OPCML: variants seen among roughly 807,000 people sequenced by gnomAD.
OPCML encodes opioid binding protein/cell adhesion molecule like, also known as opioid-binding protein/cell adhesion molecule.
A neutral mutation model predicts 37.8 loss-of-function variants in OPCML; 13 were observed. The observed-to-expected ratio is 0.34, with a 90% CI of 0.22 to 0.55. The LOEUF (loss-of-function observed/expected upper bound fraction) is 0.55, where lower values mean the gene tolerates loss of function less well. OPCML is among the 20% of genes least tolerant of loss of function. The pLI, the probability that OPCML is intolerant of heterozygous loss-of-function variation, is 0.91. For synonymous variants in OPCML, 176 were observed against 168.8 expected, an observed-to-expected ratio of 1.04 and a Z score of -0.33; for missense variants, 341 against 435.6, an observed-to-expected ratio of 0.78 and a Z score of 1.93.
At chr11:133,243,342 A>G (rs542110632) in intron 1 of OPCML, among the ~76,000 whole-genome samples, 2 of 152,292 alleles carry the variant, frequency 1.3e-5, no homozygotes, top group South Asian at 4.1e-4. Context: ...CAGGTGAGTT[A>G]ACAGTGAGTG....
chr11:132,586,280 C>A (rs952482882), intron 3 of OPCML, among the ~76,000 whole-genome samples: 10 of 152,196 alleles, frequency 6.6e-5, no homozygotes, highest in Non-Finnish European at 1.3e-4. Flanking sequence ...TTCTCAATTT[C>A]TGAGACTTAA....
intron 3 of OPCML, among the ~76,000 whole-genome samples, chr11:132,537,148 T>G (rs1003734346): frequency 1.3e-5 from 2 of 152,212 alleles, no homozygotes; most frequent in African/African-American, 4.8e-5. Context: ...TCTTGAAGCC[T>G]AGCATTAAGT....
Position 132,675,251 on chromosome 11 carries a change from G to T in OPCML, c.147-17932C>A, listed in dbSNP as rs77529173. Among the ~76,000 whole-genome samples, 810 of 150,606 alleles carry T rather than the reference G, an allele frequency of 5.4e-3. 11 individuals carry two copies. Among genetic ancestry groups the T allele is most frequent in the African/African-American group, 0.019 (778 of 41,040 alleles). On this transcript the variant is annotated intron_variant, in intron 2 of 7. Transcript: ENST00000524381. ...TATATATGTATATATCTTTCATTGTGAATTTAAATAAAAACAAACTTATCT... is the reference window on the plus strand; with the variant it reads ...TATATATGTATATATCTTTCATTGTTAATTTAAATAAAAACAAACTTATCT...
intron 2 of OPCML, among the ~76,000 whole-genome samples, chr11:132,798,191 C>T (rs1346254313): frequency 6.6e-6 from 1 of 152,106 alleles, no homozygotes; most frequent in African/African-American, 2.4e-5. Context: ...CTGCCTCAGC[C>T]TCTCAAGTAG....
At chr11:132,972,324 CCT>C (rs1946363300) in intron 1 of OPCML, among the ~76,000 whole-genome samples, 1 of 152,200 alleles carries the variant, frequency 6.6e-6, no homozygotes, top group South Asian at 2.1e-4. Flanking sequence ...ACACTAAACA[CCT>C]CTCTGCTAAA....
chr11:132,994,216 T>A (rs951940313), intron 1 of OPCML, among the ~76,000 whole-genome samples: 2 of 152,152 alleles, frequency 1.3e-5, no homozygotes, highest in Admixed American at 1.3e-4. Context: ...CAGCGGCTGG[T>A]GCGCTCCTGC....
intron 1 of OPCML, among the ~76,000 whole-genome samples, chr11:133,254,745 C>T (rs967502899): frequency 4.6e-5 from 7 of 152,146 alleles, no homozygotes; most frequent in Admixed American, 4.6e-4. Flanking sequence ...TGTCTGGGAA[C>T]AGCTGGAGAG....
chr11:133,183,717 A>G (rs1349884688), intron 1 of OPCML, among the ~76,000 whole-genome samples: 4 of 152,326 alleles, frequency 2.6e-5, no homozygotes, highest in Non-Finnish European at 5.9e-5. Flanking sequence ...CTCAAAATGT[A>G]TTTGGAGATT....
In OPCML at chr11:132,506,511, C is replaced by T. The variant is rs373375824; in HGVS notation, c.505+22550G>A. Reference sequence around the variant, plus strand: ...CTGATAATTAAGCTAAATGAAAATGCCAATGTCTCAACATGTAAACGCGGA... The same window carrying T: ...CTGATAATTAAGCTAAATGAAAATGTCAATGTCTCAACATGTAAACGCGGA... On this transcript the variant is annotated intron_variant, in intron 4 of 7. Transcript: ENST00000524381. Among the ~76,000 whole-genome samples the T allele has an allele frequency of 2.3e-3, 347 of 152,172 alleles. 3 individuals are homozygous for T. The highest frequency in any genetic ancestry group is 7.9e-3 in the African/African-American group (328 of 41,544).
intron 1 of OPCML, among the ~76,000 whole-genome samples, chr11:133,427,370 G>C (rs554855366): frequency 1.7e-5 from 2 of 120,226 alleles, no homozygotes; most frequent in Non-Finnish European, 3.2e-5. Flanking sequence ...ATTAATATGG[G>C]ATCAAAGGCA....
At chr11:133,194,903 A>C (rs752217250) in intron 1 of OPCML, among the ~76,000 whole-genome samples, 3 of 152,164 alleles carry the variant, frequency 2.0e-5, no homozygotes, top group Non-Finnish European at 4.4e-5. Flanking sequence ...TCACTGCTTT[A>C]CATGCTGAGA....
chr11:132,841,089 G>A (rs1591684835), intron 2 of OPCML, among the ~76,000 whole-genome samples: 2 of 152,114 alleles, frequency 1.3e-5, no homozygotes, highest in Admixed American at 6.6e-5. Context: ...AGGGAGAAAC[G>A]TGCCTATAAA....
At chr11:132,842,633 C>G (rs1941344844) in intron 2 of OPCML, among the ~76,000 whole-genome samples, 1 of 152,126 alleles carries the variant, frequency 6.6e-6, no homozygotes, top group African/African-American at 2.4e-5. Context: ...TTTTTCTCCT[C>G]TAGGTACTAT....
At chr11:132,914,220 G>A (rs185776012) in intron 2 of OPCML, among the ~76,000 whole-genome samples, 162 of 152,316 alleles carry the variant, frequency 1.1e-3, no homozygotes, top group African/African-American at 3.5e-3. Flanking sequence ...GAACTGCCTT[G>A]TGGCCCTCTG....
chr11:132,611,852 G>A (rs1166243306), intron 3 of OPCML, among the ~76,000 whole-genome samples: 4 of 152,090 alleles, frequency 2.6e-5, no homozygotes, highest in Admixed American at 6.5e-5. Flanking sequence ...GGACTGAAGG[G>A]TTTCTCAGGA....
At chr11:132,751,558 G>C (rs1421848720) in intron 2 of OPCML, among the ~76,000 whole-genome samples, 4 of 152,186 alleles carry the variant, frequency 2.6e-5, no homozygotes, top group Admixed American at 2.6e-4. Context: ...GTTGTTTTTA[G>C]TCCAGGAAAG....
chr11:132,831,713 C>T (rs1285199339), intron 2 of OPCML, among the ~76,000 whole-genome samples: 2 of 147,848 alleles, frequency 1.4e-5, no homozygotes, highest in East Asian at 4.2e-4. Flanking sequence ...CCCAACACAA[C>T]TCTTCCCCCT....
At chr11:132,552,588 C>T (rs12276825) in intron 3 of OPCML, among the ~76,000 whole-genome samples, 1 of 151,860 alleles carries the variant, frequency 6.6e-6, no homozygotes, top group Non-Finnish European at 1.5e-5. Context: ...ATGGAGATAA[C>T]CTTCAGTATT....
chr11:132,426,303 C>T (rs2095977436), intron 7 of OPCML, among the ~76,000 whole-genome samples: 2 of 152,200 alleles, frequency 1.3e-5, no homozygotes, highest in African/African-American at 2.4e-5. Context: ...CAGGTCCATG[C>T]AGCTACAAGG....
Sources: gnomAD v4.1 joint callset for allele counts (sites outside exome capture counted in the v4.1 genomes callset) on GRCh38, gnomAD v4.1.1 for gene constraint, MANE v1.5 for transcripts, NCBI Gene and HGNC (gene_info 2026-07-23, HGNC 2026-07-21) for gene names.